The following CYP2U1 variants were observed in gnomAD, a reference collection of about 807,000 sequenced individuals.
CYP2U1 encodes the protein cytochrome P450 family 2 subfamily U member 1, also known as cytochrome P450 2U1.
In CYP2U1, 28 loss-of-function variants were observed where a neutral mutation model predicts 42.8. The observed-to-expected ratio is 0.65, with a 90% confidence interval of 0.48 to 0.90. The LOEUF is 0.90. Among genes scored for constraint, CYP2U1 ranks in the 40% least tolerant of loss-of-function variants. The probability of loss-of-function intolerance (pLI) is 0.00; values close to 1 mark genes in which losing one functional copy is unlikely to be tolerated. For missense variants in CYP2U1, 642 were observed against 693.8 expected, an observed-to-expected ratio of 0.93 and a Z score of 0.84; for synonymous variants, 296 against 278.9, an observed-to-expected ratio of 1.06 and a Z score of -0.61.
In CYP2U1 at chr4:107,931,829, G is replaced by T. The variant is rs1010706663; in HGVS notation, c.186G>T (p.Gly62=). 6.5e-7 allele frequency: 1 copy of T among 1,533,400 alleles called. No homozygotes were observed. Among genetic ancestry groups the T allele is most frequent in the Admixed American group, 2.0e-5 (1 of 50,270 alleles). 95.0% of individuals were successfully genotyped at this position (1,533,400 alleles called of 1,614,324 possible). Residue 62 remains glycine, a synonymous_variant, in exon 1 of 5, where the codon GGG becomes GGT. Transcript: ENST00000332884. ...GCCGGGCGCGGGGCATCCCGCCCGG[G>T]CCCACGCCCTGGCCTCTGGTGGGCA... The part of the protein sequence containing the change: ...RRRRARGIPP[G]PTPWPLVGNF...
At chr4:107,941,167 GAAGA>G (rs1184387367) in intron 1 of CYP2U1, 1 of 151,890 alleles carries the variant, frequency 6.6e-6, no homozygotes. Context: ...TAAAAAACAG[GAAGA>G]TAGAATTCTA....
In CYP2U1 at chr4:107,952,690, A is replaced by C. The variant is rs931519873; in HGVS notation, c.*2267A>C. 3 of 152,206 alleles carry C rather than the reference A, an allele frequency of 2.0e-5. No homozygotes were observed. The highest frequency in any genetic ancestry group is 4.4e-5 in the Non-Finnish European group (3 of 68,038). The allele number at this position is 152,206 out of a possible 1,614,324, so 9.4% of individuals were successfully genotyped here. ...GCATTCCAGGGCAATTGTGAACATG[A>C]GGCTAGATTTTTCCTTTGATTTAGC... On this transcript the variant is annotated 3_prime_UTR_variant, in exon 5 of 5. Coordinates refer to ENST00000332884, the MANE Select transcript of CYP2U1 (RefSeq NM_183075.3).
At chr4:107,938,674 T>A (rs1370324932) in intron 1 of CYP2U1, 1 of 152,108 alleles carries the variant, frequency 6.6e-6, no homozygotes, top group Non-Finnish European at 1.5e-5. Flanking sequence ...TGAACTAGCT[T>A]GAGGGTATAT....
intron 3 of CYP2U1, 35 bp downstream of exon 3, chr4:107,947,572 A>AC: frequency 6.2e-7 from 1 of 1,610,192 alleles, no homozygotes; most frequent in Non-Finnish European, 8.5e-7. Context: ...AATGCCCTTG[A>AC]CGGAAGCAGG....
chr4:107,936,571 G>T, intron 1 of CYP2U1: 1 of 152,766 alleles, frequency 6.5e-6, no homozygotes, highest in South Asian at 2.0e-4. Flanking sequence ...CCAGCCTTCA[G>T]AACTGTAAGA....
intron 3 of CYP2U1, 67 bp from the exon 4 acceptor site, chr4:107,949,283 T>TGA (rs1180789091): frequency 3.0e-6 from 4 of 1,346,006 alleles, no homozygotes; most frequent in Non-Finnish European, 3.9e-6. Flanking sequence ...TTTCAGATAA[T>TGA]GATGTTCAGG....
rs374845038 is a variant in CYP2U1, at chr4:107,944,839, C to CAT, written c.491-120_491-119dup. ...TCTTGACTAGTGGTCTTTATATATA[C>CAT]ATATATATATATTTATATGAGGAAT... On this transcript the variant is annotated intron_variant, in intron 1 of 4. Coordinates refer to ENST00000332884, the MANE Select transcript of CYP2U1 (RefSeq NM_183075.3). 6 of 64,088 alleles carry CAT rather than the reference C, an allele frequency of 9.4e-5. 2 individuals carry two copies. The highest frequency in any genetic ancestry group is 3.0e-3 in the East Asian group (2 of 668). 4.0% of individuals were successfully genotyped at this position (64,088 alleles called of 1,614,324 possible).
At chr4:107,941,740 T>G (rs2126196768) in intron 1 of CYP2U1, among the ~76,000 whole-genome samples, 1 of 152,064 alleles carries the variant, frequency 6.6e-6, no homozygotes, top group East Asian at 1.9e-4. Context: ...GATAGAGGTC[T>G]GAAAATTAAT....
chr4:107,945,547 C>T lies in CYP2U1; in HGVS notation c.1068C>T (p.Thr356=), dbSNP rs753094301. 2 of 1,611,600 alleles carry T rather than the reference C, an allele frequency of 1.2e-6. No homozygotes were observed. The highest frequency in any genetic ancestry group is 1.7e-6 in the Non-Finnish European group (2 of 1,178,542). The change falls in exon 2 of 5, where the codon ACC becomes ACT. Residue 356 remains threonine (T), a synonymous_variant. Transcript: ENST00000332884. ...ATCTCTTTATTGCTGGGACTGATACCACAACTAACTCTTTGCTCTGGTGCC... is the reference window on the plus strand; with the variant it reads ...ATCTCTTTATTGCTGGGACTGATACTACAACTAACTCTTTGCTCTGGTGCC... ...IGDLFIAGTD[T]TTNSLLWCLL...
chr4:107,932,060 G>T lies in CYP2U1; in HGVS notation c.417G>T (p.Ala139=). The change falls in exon 1 of 5, where the codon GCG becomes GCT. Residue 139 remains alanine, a synonymous_variant. Coordinates refer to ENST00000332884, the MANE Select transcript of CYP2U1 (RefSeq NM_183075.3). ...VLSDFHSVRE[A]LVQQAEVFSD... is the part of the protein sequence containing the mutation. ...GCGACTTCCACAGCGTGCGCGAGGC[G>T]CTGGTGCAGCAGGCCGAGGTCTTCA... 6.3e-7 allele frequency: 1 copy of T among 1,587,206 alleles called. No individual in the cohort carries two copies. Among genetic ancestry groups the T allele is most frequent in the Non-Finnish European group, 8.6e-7 (1 of 1,167,666 alleles).
At chr4:107,934,127 A>G (rs947655816) in intron 1 of CYP2U1, among the ~76,000 whole-genome samples, 4 of 150,994 alleles carry the variant, frequency 2.6e-5, no homozygotes, top group Non-Finnish European at 5.9e-5. Context: ...GCACCAGTTT[A>G]CATTCCCACA....
chr4:107,945,440 T>G lies in CYP2U1; in HGVS notation c.961T>G (p.Tyr321Asp). The G allele has an allele frequency of 6.2e-7, 1 of 1,614,144 alleles. No homozygotes were observed. Among genetic ancestry groups the G allele is most frequent in the South Asian group, 1.1e-5 (1 of 91,088 alleles). The stretch of plus-strand genomic sequence containing the variant: ...GAACCCTCAGGACTTCATAGACATG[T>G]ACCTTCTCCACATGGAAGAGGAGAG... Reference protein sequence around the residue: ...RENPQDFIDMYLLHMEEERKN... With the variant: ...RENPQDFIDMDLLHMEEERKN... The change falls in exon 2 of 5, where the codon TAC becomes GAC. Residue 321 changes from tyrosine (Y) to aspartate (D), a missense_variant. Coordinates refer to ENST00000332884, the MANE Select transcript of CYP2U1 (RefSeq NM_183075.3).
At position 107,947,582 on chromosome 4, in the gene CYP2U1, G is replaced by A. The variant is rs376463868; in HGVS notation, c.1288+45G>A. The A allele has an allele frequency of 7.7e-5, 124 of 1,604,650 alleles. 1 individual carries two copies. In the African/African-American group the frequency reaches 1.5e-3, roughly 19 times the overall value. ...CTTTGAATGCCCTTGACGGAAGCAG[G>A]GCCCTCTAATCCAGGGTAGTTGAGG... is the stretch of plus-strand genomic sequence containing the variant. On this transcript the variant is annotated intron_variant, in intron 3 of 4. Coordinates refer to ENST00000332884, the MANE Select transcript of CYP2U1 (RefSeq NM_183075.3).
intron 1 of CYP2U1, chr4:107,935,530 A>T (rs1023908924): frequency 2.6e-5 from 4 of 152,240 alleles, no homozygotes; most frequent in Non-Finnish European, 4.4e-5. Context: ...TTGTGGAGTT[A>T]ACATGGAATA....
At chr4:107,947,250 G>T in intron 2 of CYP2U1, 126 bp from the exon 3 acceptor site, 2 of 773,746 alleles carry the variant, frequency 2.6e-6, no homozygotes, top group South Asian at 3.5e-5. Context: ...CTTCACTGAG[G>T]CAGAATCAGG....
At chr4:107,948,827 T>G (rs900403245) in intron 3 of CYP2U1, among the ~76,000 whole-genome samples, 6 of 151,544 alleles carry the variant, frequency 4.0e-5, no homozygotes, top group African/African-American at 1.2e-4. Context: ...ACTTAACGGG[T>G]TTTTTTTGGT....
At chr4:107,948,586 A>C (rs887919497) in intron 3 of CYP2U1, among the ~76,000 whole-genome samples, 6 of 150,024 alleles carry the variant, frequency 4.0e-5, no homozygotes, top group African/African-American at 1.3e-4. Flanking sequence ...CAATAATAAT[A>C]ATAATAATCA....
At chr4:107,947,667 A>G (rs879362607) in intron 3 of CYP2U1, 130 bp downstream of exon 3, 5 of 855,884 alleles carry the variant, frequency 5.8e-6, no homozygotes, top group Non-Finnish European at 8.9e-6. Context: ...ATTGTGTCAT[A>G]TGTAATAAAA....
chr4:107,940,667 A>G (rs1297124058), intron 1 of CYP2U1: 2 of 152,140 alleles, frequency 1.3e-5, no homozygotes, highest in Non-Finnish European at 2.9e-5. Context: ...CTGGCTGTAC[A>G]AAGGCGGCAG....
Sources: allele counts gnomAD v4.1 joint callset (sites outside exome capture counted in the v4.1 genomes callset), GRCh38; gene constraint gnomAD v4.1.1; transcripts MANE v1.5; gene names NCBI Gene and HGNC (gene_info 2026-07-23, HGNC 2026-07-21).